Variants in FAM107B observed in about 807,000 individuals in gnomAD.
FAM107B encodes the protein family with sequence similarity 107 member B.
A neutral mutation model predicts 31.5 loss-of-function variants in FAM107B; 21 were observed. That is an observed-to-expected ratio of 0.67 (90% confidence interval 0.47 to 0.96). The LOEUF (loss-of-function observed/expected upper bound fraction) is 0.96. Ranked by LOEUF, FAM107B falls within the 40% of genes least tolerant of loss-of-function variation. The pLI is 0.00. For synonymous variants in FAM107B, 157 were observed against 141.5 expected, an observed-to-expected ratio of 1.11 and a Z score of -0.78; for missense variants, 452 against 377.1, an observed-to-expected ratio of 1.20 and a Z score of -1.64.
chr10:14,665,112 G>A (rs1481157087), intron 2 of FAM107B, among the ~76,000 whole-genome samples: 5 of 152,176 alleles, frequency 3.3e-5, no homozygotes, highest in Non-Finnish European at 5.9e-5. Context: ...TTTTGAAGAA[G>A]GGAAAGTAAT....
chr10:14,578,628 G>A (rs1018346204), intron 2 of FAM107B, among the ~76,000 whole-genome samples: 1 of 152,206 alleles, frequency 6.6e-6, no homozygotes, highest in African/African-American at 2.4e-5. Flanking sequence ...GAGTCCGGAA[G>A]CAGCTACTGG....
chr10:14,671,640 C>G (rs1037049920), intron 1 of FAM107B, among the ~76,000 whole-genome samples: 2 of 152,084 alleles, frequency 1.3e-5, no homozygotes, highest in African/African-American at 4.8e-5. Context: ...GACTCCTGTT[C>G]TTATTATCCA....
At position 14,767,089 on chromosome 10, in the gene FAM107B, G is replaced by C. The variant is rs866215168; in HGVS notation, c.411+7164C>G. Among the ~76,000 whole-genome samples, 72 of 112,538 alleles carry C rather than the reference G, an allele frequency of 6.4e-4. 2 individuals carry two copies. The highest frequency in any genetic ancestry group is 2.4e-3 in the African/African-American group (61 of 25,146). The allele number at this position is 112,538 out of a possible 152,430, so 73.8% of individuals were successfully genotyped here. ...AGAGAGAGAGAGAGAGAGAGAGAGA[G>C]AGAGAGAGAGACAGAGAGAGAGAGA... On this transcript the variant is annotated intron_variant, in intron 1 of 4. Coordinates refer to ENST00000181796, the MANE Select transcript of FAM107B (RefSeq NM_031453.4).
intron 2 of FAM107B, among the ~76,000 whole-genome samples, chr10:14,554,556 CT>C (rs2131103204): frequency 6.6e-6 from 1 of 152,258 alleles, no homozygotes; most frequent in African/African-American, 2.4e-5. Flanking sequence ...CCAGTTGAGA[CT>C]TGGGGATCTG....
At chr10:14,617,635 C>T (rs1232267436) in intron 2 of FAM107B, among the ~76,000 whole-genome samples, 2 of 151,430 alleles carry the variant, frequency 1.3e-5, no homozygotes, top group Non-Finnish European at 2.9e-5. Flanking sequence ...AGAGCTTCAA[C>T]ACATGTAAAG....
chr10:14,774,540 G>A lies in FAM107B; in HGVS notation c.124C>T (p.Gln42Ter), dbSNP rs1371257702. ...GNTRESASFN[Q>*]SGVADTHSTV... ...GAATGAGTATCAGCCACGCCGGACT[G>A]ATTGAAGGAAGCACTCTCCCTCGTA... Residue 42 changes from glutamine (Q) to a stop codon, truncating the protein, a stop_gained, in exon 1 of 5, where the codon CAG (glutamine) becomes TAG (stop). Coordinates refer to ENST00000181796, the MANE Select transcript of FAM107B (RefSeq NM_031453.4). LOFTEE classifies it high-confidence loss of function. 6.2e-7 allele frequency: 1 copy of A among 1,614,234 alleles called. No individual in the cohort carries two copies. The highest frequency in any genetic ancestry group is 1.7e-5 in the Admixed American group (1 of 60,024).
chr10:14,714,646 G>A (rs1413732608), intron 1 of FAM107B, among the ~76,000 whole-genome samples: 16 of 152,262 alleles, frequency 1.1e-4, no homozygotes. Flanking sequence ...TATACATCCA[G>A]ACTCAATCTT....
At chr10:14,592,529 C>G (rs921438311) in intron 2 of FAM107B, among the ~76,000 whole-genome samples, 13 of 152,180 alleles carry the variant, frequency 8.5e-5, no homozygotes, top group African/African-American at 3.1e-4. Flanking sequence ...AGTGTCTAAT[C>G]CTGCATTTCT....
intron 1 of FAM107B, among the ~76,000 whole-genome samples, chr10:14,689,675 C>A (rs1209126015): frequency 6.6e-6 from 1 of 152,046 alleles, no homozygotes; most frequent in Non-Finnish European, 1.5e-5. Flanking sequence ...AAAAAAGATA[C>A]CTTGGCTGGG....
chr10:14,619,350 G>A (rs1258666958), intron 2 of FAM107B, among the ~76,000 whole-genome samples: 1 of 152,170 alleles, frequency 6.6e-6, no homozygotes. Flanking sequence ...TGATCCATCA[G>A]CAGTCGACAC....
At chr10:14,737,473 G>A (rs1177773376) in intron 1 of FAM107B, among the ~76,000 whole-genome samples, 1 of 152,024 alleles carries the variant, frequency 6.6e-6, no homozygotes, top group Non-Finnish European at 1.5e-5. Context: ...AATGAGCCGG[G>A]CGTGGTGACA....
At chr10:14,599,851 T>C (rs1201398663) in intron 2 of FAM107B, among the ~76,000 whole-genome samples, 2 of 68,164 alleles carry the variant, frequency 2.9e-5, no homozygotes, top group Non-Finnish European at 7.6e-5. Flanking sequence ...TTCCTTGATC[T>C]ACAAAAAAAA....
chr10:14,621,893 A>C (rs918873060), intron 2 of FAM107B, among the ~76,000 whole-genome samples: 36 of 152,230 alleles, frequency 2.4e-4, no homozygotes, highest in African/African-American at 8.7e-4. Context: ...AGTACCTTGC[A>C]GTTAAGAGAG....
At chr10:14,676,165 A>AAAAAC (rs1197935890) in intron 1 of FAM107B, among the ~76,000 whole-genome samples, 1 of 152,106 alleles carries the variant, frequency 6.6e-6, no homozygotes, top group Non-Finnish European at 1.5e-5. Context: ...TCTCAGAATC[A>AAAAAC]AAAACAAAAC....
chr10:14,650,990 C>T (rs1029684666), intron 2 of FAM107B, among the ~76,000 whole-genome samples: 3 of 152,102 alleles, frequency 2.0e-5, no homozygotes, highest in African/African-American at 7.2e-5. Flanking sequence ...GATGAAACTC[C>T]AGTCACCAAA....
rs1440347763 is a variant in FAM107B, at chr10:14,628,112, G to GGTTTTTTTTGTTTTTTT, written c.469+39521_469+39522insAAAAAAACAAAAAAAAC. Among the ~76,000 whole-genome samples, 56 of 92,686 alleles carry GGTTTTTTTTGTTTTTTT rather than the reference G, an allele frequency of 6.0e-4. 3 individuals are homozygous for GGTTTTTTTTGTTTTTTT. In the East Asian group the frequency reaches 0.014, roughly 24 times the overall value. 60.8% of individuals were successfully genotyped at this position (92,686 alleles called of 152,430 possible). A position where few individuals can be genotyped will look rare whatever the true frequency, so the allele number is the denominator to read the frequency against. ...TCCTTGTTTGTTTTTTGTTTTGCTG[G>GGTTTTTTTTGTTTTTTT]TTTTTTTTTTTTTTTTTTTTTGAGA... On this transcript the variant is annotated intron_variant, in intron 2 of 4. Transcript: ENST00000181796.
At chr10:14,682,160 T>C (rs537112075) in intron 1 of FAM107B, among the ~76,000 whole-genome samples, 1 of 152,310 alleles carries the variant, frequency 6.6e-6, no homozygotes, top group South Asian at 2.1e-4. Context: ...ATTATTTGTA[T>C]ATTAAAACAA....
chr10:14,683,184 C>G (rs1187064477), intron 1 of FAM107B, among the ~76,000 whole-genome samples: 2 of 152,196 alleles, frequency 1.3e-5, no homozygotes, highest in Middle Eastern at 3.4e-3. Flanking sequence ...GAACCCTAGC[C>G]CCTTGCTGGT....
At chr10:14,728,273 A>G (rs921064740) in intron 1 of FAM107B, among the ~76,000 whole-genome samples, 1 of 152,134 alleles carries the variant, frequency 6.6e-6, no homozygotes, top group Admixed American at 6.5e-5. Flanking sequence ...ACTCTCTTGA[A>G]AAATAGCCAG....
Sources: gnomAD v4.1 joint callset for allele counts (sites outside exome capture counted in the v4.1 genomes callset) on GRCh38, gnomAD v4.1.1 for gene constraint, MANE v1.5 for transcripts, NCBI Gene and HGNC (gene_info 2026-07-23, HGNC 2026-07-21) for gene names.